The following LPO variants were observed in gnomAD, a reference collection of about 807,000 sequenced individuals.
LPO encodes the protein salivary peroxidase.
Under a neutral mutation model 68.4 loss-of-function variants are expected in LPO, and 70 were observed. That is an observed-to-expected ratio of 1.02 (90% CI 0.84 to 1.25). The LOEUF is 1.25. Ranked by LOEUF, LPO falls within the 50% of genes most tolerant of loss-of-function variation. The pLI, the probability that LPO is intolerant of heterozygous loss-of-function variation, is 0.00. For synonymous variants in LPO, 360 were observed against 357.6 expected, an observed-to-expected ratio of 1.01 and a Z score of -0.08; for missense variants, 873 against 908.4, an observed-to-expected ratio of 0.96 and a Z score of 0.50.
Position 58,239,901 on chromosome 17 carries a change from C to T in LPO, c.-3+1162C>T, listed in dbSNP as rs189783760. Among the ~76,000 whole-genome samples the T allele has an allele frequency of 5.9e-5, 9 of 152,296 alleles. No homozygotes were observed. The East Asian group carries it at 1.5e-3, about 26-fold the overall frequency. On this transcript the variant is annotated intron_variant, in intron 1 of 12. Transcript: ENST00000262290. The stretch of plus-strand genomic sequence containing the variant: ...CTATCTCTGCCCTCTCCCTCTGCAA[C>T]CTCCAGATGCTGAATTTCTCTGCTC...
At chr17:58,265,572 CCT>C in intron 10 of LPO, among the ~76,000 whole-genome samples, 2 of 134,774 alleles carry the variant, frequency 1.5e-5, no homozygotes, top group Non-Finnish European at 3.1e-5. Flanking sequence ...TTTAAAAATA[CCT>C]TTTTTTTTTT....
intron 6 of LPO, 62 bp downstream of exon 6, chr17:58,249,757 A>G: frequency 1.3e-6 from 2 of 1,499,308 alleles, no homozygotes; most frequent in East Asian, 5.0e-5. Flanking sequence ...GCACTACCCA[A>G]ACACGCAGTG....
intron 12 of LPO, 46 bp downstream of exon 12, chr17:58,267,632 AAGAGGGG>A: frequency 6.5e-7 from 1 of 1,541,242 alleles, no homozygotes; most frequent in Non-Finnish European, 8.8e-7. Context: ...GCCCTTCTCC[AAGAGGGG>A]TGTCCCAAGG....
intron 3 of LPO, among the ~76,000 whole-genome samples, chr17:58,246,746 A>T (rs1567816974): frequency 1.3e-5 from 2 of 152,206 alleles, no homozygotes; most frequent in Admixed American, 6.5e-5. Context: ...AGTGATGCTC[A>T]CACACGTGAG....
At chr17:58,239,063 T>C (rs762989903) in intron 1 of LPO, among the ~76,000 whole-genome samples, 5 of 152,110 alleles carry the variant, frequency 3.3e-5, no homozygotes, top group Non-Finnish European at 7.4e-5. Flanking sequence ...CAATTTAATG[T>C]GTCCAGAGTC....
At chr17:58,244,276 T>C (rs1253238188) in intron 3 of LPO, 195 bp downstream of exon 3, 2 of 603,506 alleles carry the variant, frequency 3.3e-6, no homozygotes, top group Non-Finnish European at 6.0e-6. Flanking sequence ...CCACAATTCC[T>C]AAAGTCCTCA....
In LPO at chr17:58,244,012, C is replaced by T; in HGVS notation, c.95C>T (p.Ser32Phe). Residue 32 changes from serine to phenylalanine, a missense_variant, in exon 3 of 13, where the codon TCT becomes TTT. Transcript: ENST00000262290. The part of the protein sequence containing the change: ...STTRAQTTRT[S>F]AISDTVSQAK... ...CCCCAAGCGCAGACTACCAGAACCT[C>T]TGCCATCTCCGATACTGTGAGTCAG... The T allele has an allele frequency of 6.2e-7, 1 of 1,613,886 alleles. No individual in the cohort carries two copies.
At chr17:58,256,844 G>A (rs925978875) in intron 9 of LPO, among the ~76,000 whole-genome samples, 36 of 142,340 alleles carry the variant, frequency 2.5e-4, no homozygotes, top group Non-Finnish European at 2.5e-4. Context: ...AAAAAAAAAA[G>A]AATGAGGTAT....
At chr17:58,249,329 C>T (rs557973731) in intron 5 of LPO, 152 bp downstream of exon 5, 1 of 874,818 alleles carries the variant, frequency 1.1e-6, no homozygotes, top group South Asian at 1.7e-5. Flanking sequence ...CAAGATCGCG[C>T]GTCTCCAGCC....
rs8178401 is a variant in LPO, at chr17:58,266,174, G to A, written c.1541G>A (p.Arg514Gln). ...VKDGGIDPLV[R>Q]GLLAKKSKLM... The stretch of plus-strand genomic sequence containing the variant: ...GCAGGTGGAATTGATCCTCTGGTGC[G>A]GGGCCTGCTGGCCAAGAAATCCAAG... Residue 514 changes from arginine to glutamine, a missense_variant, in exon 11 of 13, where the codon CGG (arginine) becomes CAG (glutamine). Transcript: ENST00000262290. 205 of 1,613,888 alleles carry A rather than the reference G, an allele frequency of 1.3e-4. No individual in the cohort carries two copies. The highest frequency in any genetic ancestry group is 1.6e-4 in the Middle Eastern group (1 of 6,082).
At chr17:58,264,682 C>A in intron 9 of LPO, 40 bp from the exon 10 acceptor site, 1 of 1,609,186 alleles carries the variant, frequency 6.2e-7, no homozygotes, top group Non-Finnish European at 8.5e-7. Flanking sequence ...AGGTTTAAAC[C>A]TTCTTACACC....
intron 8 of LPO, among the ~76,000 whole-genome samples, chr17:58,253,022 C>CAAAAAAAAAAAAAAAAAAAAAAAAA (rs765890765): frequency 3.2e-5 from 1 of 31,092 alleles, no homozygotes; most frequent in Non-Finnish European, 5.7e-5. Flanking sequence ...GACTCCATCT[C>CAAAAAAAAAAAAAAAAAAAAAAAAA]AAAAAAAAAA....
chr17:58,250,243 A>T (rs1477427146), intron 6 of LPO, among the ~76,000 whole-genome samples, 172 bp from the exon 7 acceptor site: 1 of 152,168 alleles, frequency 6.6e-6, no homozygotes, highest in Non-Finnish European at 1.5e-5. Flanking sequence ...TCACCTGTCC[A>T]GGATTCAATC....
intron 5 of LPO, 38 bp from the exon 6 acceptor site, chr17:58,249,528 G>C (rs777780151): frequency 2.5e-6 from 4 of 1,592,802 alleles, no homozygotes; most frequent in South Asian, 1.1e-5. Context: ...CCCCGGAGCC[G>C]GCCTGCCGAA....
intron 9 of LPO, among the ~76,000 whole-genome samples, chr17:58,264,098 G>A (rs1295614738): frequency 6.6e-6 from 1 of 152,134 alleles, no homozygotes; most frequent in Non-Finnish European, 1.5e-5. Flanking sequence ...AAAGCAGAAT[G>A]CACAGGTATG....
intron 4 of LPO, among the ~76,000 whole-genome samples, chr17:58,248,630 T>C (rs1399584269): frequency 5.9e-5 from 9 of 152,202 alleles, no homozygotes; most frequent in Non-Finnish European, 1.3e-4. Context: ...GCTATGTCCC[T>C]GCTTGCTTGG....
chr17:58,253,152 A>G (rs1969997547), intron 8 of LPO, among the ~76,000 whole-genome samples: 1 of 151,872 alleles, frequency 6.6e-6, no homozygotes. Context: ...TATTTTTTCT[A>G]TCACAGATAC....
chr17:58,251,659 T>C (rs911526294), intron 7 of LPO: 35 of 353,466 alleles, frequency 9.9e-5, no homozygotes, highest in South Asian at 7.4e-4. Flanking sequence ...ATCTGAATCC[T>C]ACATCTTTCC....
At chr17:58,241,444 A>G (rs1969757503) in intron 1 of LPO, among the ~76,000 whole-genome samples, 2 of 152,076 alleles carry the variant, frequency 1.3e-5, no homozygotes, top group Non-Finnish European at 2.9e-5. Context: ...TTTAAAGTCA[A>G]TGATACCTTT....
Sources: allele counts gnomAD v4.1 joint callset (sites outside exome capture counted in the v4.1 genomes callset), GRCh38; gene constraint gnomAD v4.1.1; transcripts MANE v1.5; gene names NCBI Gene and HGNC (gene_info 2026-07-23, HGNC 2026-07-21).